Variants in AFAP1 observed in about 807,000 individuals in gnomAD.
AFAP1 encodes actin filament-associated protein 1.
A neutral mutation model predicts 93.9 loss-of-function variants in AFAP1; 75 were observed. The ratio of observed to expected loss-of-function variants is 0.80; its 90% CI spans 0.66 to 0.97. AFAP1 has a LOEUF of 0.97. AFAP1 is among the 50% of genes least tolerant of loss of function. AFAP1 has a pLI of 0.00. For synonymous variants in AFAP1, 517 were observed against 430.7 expected, an observed-to-expected ratio of 1.20 and a Z score of -2.48; for missense variants, 1,201 against 1,050.8, an observed-to-expected ratio of 1.14 and a Z score of -1.98.
intron 4 of AFAP1, among the ~76,000 whole-genome samples, chr4:7,848,233 T>TGGAG: frequency 3.0e-5 from 1 of 33,720 alleles, no homozygotes; most frequent in South Asian, 1.4e-3. Context: ...GAGGGACGGA[T>TGGAG]GGAGGGAGGA....
At chr4:7,832,971 T>A (rs1711811821) in intron 6 of AFAP1, among the ~76,000 whole-genome samples, 1 of 152,122 alleles carries the variant, frequency 6.6e-6, no homozygotes, top group Admixed American at 6.5e-5. Context: ...TGAAACTGGA[T>A]CCTCATCTCT....
chr4:7,788,249 T>A (rs1382411941), intron 11 of AFAP1, among the ~76,000 whole-genome samples: 1 of 152,228 alleles, frequency 6.6e-6, no homozygotes, highest in East Asian at 1.9e-4. Context: ...CCTGCGCTTC[T>A]GTGATCACCA....
At chr4:7,936,633 G>C (rs1212528718) in intron 1 of AFAP1, among the ~76,000 whole-genome samples, 2 of 150,430 alleles carry the variant, frequency 1.3e-5, no homozygotes, top group Admixed American at 6.7e-5. Context: ...CCAGGCTGGA[G>C]TGCAGTGGTA....
At chr4:7,801,284 G>C (rs560312757) in intron 9 of AFAP1, among the ~76,000 whole-genome samples, 1 of 152,134 alleles carries the variant, frequency 6.6e-6, no homozygotes, top group East Asian at 1.9e-4. Flanking sequence ...ACTGCAAAGC[G>C]ACGGGTGAAG....
At chr4:7,837,681 G>A (rs1052359048) in intron 6 of AFAP1, among the ~76,000 whole-genome samples, 8 of 152,094 alleles carry the variant, frequency 5.3e-5, no homozygotes, top group Non-Finnish European at 2.9e-5. Context: ...AGAAATAATG[G>A]GCTGGAAAGG....
intron 1 of AFAP1, among the ~76,000 whole-genome samples, chr4:7,897,756 T>G (rs1222639487): frequency 6.6e-6 from 1 of 152,028 alleles, no homozygotes; most frequent in Non-Finnish European, 1.5e-5. Context: ...ACTCCTGACC[T>G]CAGGTGATCC....
At chr4:7,894,266 G>A (rs529351246) in intron 1 of AFAP1, among the ~76,000 whole-genome samples, 1 of 152,106 alleles carries the variant, frequency 6.6e-6, no homozygotes, top group African/African-American at 2.4e-5. Context: ...ACCTACAGCC[G>A]TGTTCACACT....
At chr4:7,773,767 A>G (rs1715759248) in intron 15 of AFAP1, 1 of 152,404 alleles carries the variant, frequency 6.6e-6, no homozygotes. Context: ...TGCAGGCCAC[A>G]TCCTGGGCCT....
intron 1 of AFAP1, among the ~76,000 whole-genome samples, chr4:7,883,467 T>C (rs191561128): frequency 1.9e-4 from 29 of 152,252 alleles, no homozygotes; most frequent in Admixed American, 1.8e-3. Context: ...GAATTCCCAG[T>C]AGGGTCAGAA....
At chr4:7,865,597 G>A (rs539712811) in intron 3 of AFAP1, among the ~76,000 whole-genome samples, 1 of 152,184 alleles carries the variant, frequency 6.6e-6, no homozygotes, top group Non-Finnish European at 1.5e-5. Flanking sequence ...GAGAGAGGAC[G>A]AGAGAGGGAG....
intron 17 of AFAP1, among the ~76,000 whole-genome samples, chr4:7,766,209 G>A (rs531031818): frequency 6.6e-6 from 1 of 152,200 alleles, no homozygotes; most frequent in Non-Finnish European, 1.5e-5. Flanking sequence ...GGGAGGATGG[G>A]TAGCTGGGTA....
chr4:7,867,908 T>C (rs538110153), intron 3 of AFAP1, among the ~76,000 whole-genome samples: 2 of 152,162 alleles, frequency 1.3e-5, no homozygotes, highest in Admixed American at 1.3e-4. Flanking sequence ...GTTCGTATCC[T>C]GGCAGAGAGA....
Position 7,939,599 on chromosome 4 carries a change from C to A in AFAP1, c.-3+57G>T, listed in dbSNP as rs1268932148. ...GGAGCCCCGCTCGGAGCTTCCACGC[C>A]CGGGGCAGAGACCCCCGCCGGGTCC... On this transcript the variant is annotated intron_variant, in intron 1 of 17. Transcript: ENST00000420658. This position sits in a 1 kb window ranked among gnomAD's most constrained non-coding sequence, Gnocchi z 5.6. 1 of 403,046 alleles carries A rather than the reference C, an allele frequency of 2.5e-6. No individual in the cohort carries two copies. Among genetic ancestry groups the A allele is most frequent in the Admixed American group, 2.9e-5 (1 of 34,944 alleles). The allele number at this position is 403,046 out of a possible 1,614,324, so 25.0% of individuals were successfully genotyped here.
intron 4 of AFAP1, among the ~76,000 whole-genome samples, chr4:7,853,450 G>C (rs1484861559): frequency 2.0e-5 from 3 of 152,138 alleles, no homozygotes; most frequent in Non-Finnish European, 4.4e-5. Flanking sequence ...GCTCACGTGG[G>C]CTGTTGCTGG....
chr4:7,767,967 T>G (rs1234969078), intron 17 of AFAP1, among the ~76,000 whole-genome samples: 1 of 152,158 alleles, frequency 6.6e-6, no homozygotes, highest in Non-Finnish European at 1.5e-5. Flanking sequence ...TCCCAGCTAC[T>G]TGGGAGGCTG....
intron 11 of AFAP1, among the ~76,000 whole-genome samples, chr4:7,787,674 C>T (rs958924139): frequency 1.3e-5 from 2 of 152,182 alleles, no homozygotes; most frequent in Non-Finnish European, 2.9e-5. Flanking sequence ...CAGTGTGGAG[C>T]CTGTGGTGAG....
chr4:7,920,930 G>C (rs1287202307), intron 1 of AFAP1, among the ~76,000 whole-genome samples: 2 of 151,834 alleles, frequency 1.3e-5, no homozygotes, highest in East Asian at 3.9e-4. Flanking sequence ...CATAATTACA[G>C]TATTAACTTG....
chr4:7,822,967 G>A (rs1437064041), intron 6 of AFAP1, among the ~76,000 whole-genome samples: 4 of 151,998 alleles, frequency 2.6e-5, no homozygotes, highest in African/African-American at 7.2e-5. Flanking sequence ...AGCCTCTTGG[G>A]TAGGGTGGAG....
chr4:7,846,133 G>A (rs77134746), intron 4 of AFAP1, among the ~76,000 whole-genome samples: 4,844 of 152,350 alleles, frequency 0.032, 118 homozygotes, highest in Non-Finnish European at 0.05. Context: ...GACAGGACGT[G>A]AGCGAGGCCA....
Sources: gnomAD v4.1 joint callset for allele counts (sites outside exome capture counted in the v4.1 genomes callset) on GRCh38, gnomAD v4.1.1 for gene constraint, Gnocchi (gnomAD v3.1) non-coding constraint, MANE v1.5 for transcripts, NCBI Gene and HGNC (gene_info 2026-07-23, HGNC 2026-07-21) for gene names.